CORO1B: variants seen among roughly 807,000 people sequenced by gnomAD.
CORO1B encodes the protein coronin 1B.
A neutral mutation model predicts 51.1 loss-of-function variants in CORO1B; 30 were observed. The observed-to-expected ratio is 0.59, with a 90% CI of 0.44 to 0.80. The LOEUF is 0.80. Among genes scored for constraint, CORO1B ranks in the 30% least tolerant of loss-of-function variants. CORO1B has a pLI of 0.00. For missense variants in CORO1B, 648 were observed against 700.4 expected, an observed-to-expected ratio of 0.93 and a Z score of 0.84; for synonymous variants, 310 against 289.7, an observed-to-expected ratio of 1.07 and a Z score of -0.71.
intron 1 of CORO1B, 65 bp from the exon 2 acceptor site, chr11:67,442,695 C>T: frequency 6.5e-7 from 1 of 1,541,786 alleles, no homozygotes; most frequent in Non-Finnish European, 8.9e-7. Context: ...CCCCAGGCTG[C>T]TGAAGGTGAG....
In CORO1B at chr11:67,435,882, C is replaced by T. The variant is rs774291361; in HGVS notation, c.*2494G>A. On this transcript the variant is annotated 3_prime_UTR_variant, in exon 11 of 11. Transcript: ENST00000341356. ...GGTCCTGGGGAGCCGAGGACCAGGTCGCCCTCCGTGTCACTGTCTCTGGCT... is the reference window on the plus strand; with the variant it reads ...GGTCCTGGGGAGCCGAGGACCAGGTTGCCCTCCGTGTCACTGTCTCTGGCT... The T allele has an allele frequency of 2.1e-5, 34 of 1,611,562 alleles. No individual in the cohort carries two copies. The highest frequency in any genetic ancestry group is 2.6e-5 in the Non-Finnish European group (31 of 1,179,524).
intron 4 of CORO1B, 73 bp from the exon 5 acceptor site, chr11:67,441,587 C>A (rs750849188): frequency 6.4e-7 from 1 of 1,563,520 alleles, no homozygotes; most frequent in Non-Finnish European, 8.7e-7. Flanking sequence ...CTGAGGCCCA[C>A]TCTGCCCACC....
chr11:67,441,696 T>C (rs915999451), intron 4 of CORO1B, 37 bp downstream of exon 4: 2 of 564,134 alleles, frequency 3.5e-6, no homozygotes, highest in African/African-American at 8.6e-5. Context: ...GAGGGGTCCG[T>C]GGGGGGGGGG....
chr11:67,438,970 G>C, intron 9 of CORO1B, 21 bp from the exon 10 acceptor site: 1 of 1,585,302 alleles, frequency 6.3e-7, no homozygotes. Context: ...GGCCGGGGAG[G>C]TCAGGATCAG....
At position 67,442,076 on chromosome 11, in the gene CORO1B, C is replaced by A; in HGVS notation, c.214G>T (p.Asp72Tyr). The change falls in exon 3 of 11, where the codon GAC becomes TAC. Residue 72 changes from aspartate (D) to tyrosine (Y), a missense_variant. Physicochemically the swap from Asp to Tyr is radical, Grantham distance 160. Coordinates refer to ENST00000341356, the MANE Select transcript of CORO1B (RefSeq NM_020441.3). The stretch of plus-strand genomic sequence containing the variant: ...CCACACACCGTCGGGTAGGCCTTGT[C>A]AATGCGGCCCGTCTGTGGGCACGAG... ...VLPLSKTGRI[D>Y]KAYPTVCGHT... is the part of the protein sequence containing the mutation. The A allele has an allele frequency of 6.2e-7, 1 of 1,611,606 alleles. No individual in the cohort carries two copies. The highest frequency in any genetic ancestry group is 1.1e-5 in the South Asian group (1 of 91,058).
chr11:67,442,224 G>A (rs993401757), intron 2 of CORO1B, 136 bp from the exon 3 acceptor site: 3 of 1,458,166 alleles, frequency 2.1e-6, no homozygotes, highest in Non-Finnish European at 1.9e-6. Flanking sequence ...TGCCAGGTGA[G>A]CAGGAAATGT....
Position 67,440,132 on chromosome 11 carries a change from C to G in CORO1B, c.993G>C (p.Lys331Asn). The change falls in exon 8 of 11, where the codon AAG (lysine) becomes AAC (asparagine). Residue 331 changes from lysine (K) to asparagine (N), a missense_variant. Physicochemically the swap from Lys to Asn is moderately conservative, Grantham distance 94 (BLOSUM62 0). Coordinates refer to ENST00000341356, the MANE Select transcript of CORO1B (RefSeq NM_020441.3). ...SMPKRGLEVSKCEIARFYKLH... is the reference protein window; with the variant it reads ...SMPKRGLEVSNCEIARFYKLH... ...AGCCCTCTTACCGGGCGATCTCGCA[C>G]TTGCTGACCTCCAGGCCCCGCTTGG... The G allele has an allele frequency of 2.5e-6, 4 of 1,612,210 alleles. No individual in the cohort carries two copies. The highest frequency in any genetic ancestry group is 3.4e-6 in the Non-Finnish European group (4 of 1,179,248).
At chr11:67,440,869 G>T in intron 6 of CORO1B, 1 of 655,386 alleles carries the variant, frequency 1.5e-6, no homozygotes, top group Non-Finnish European at 2.7e-6. Context: ...AGGCAAGCAA[G>T]GGAGAGAAGG....
At position 67,438,927 on chromosome 11, in the gene CORO1B, A is replaced by G; in HGVS notation, c.1088T>C (p.Leu363Pro). Residue 363 changes from leucine (L) to proline (P), a missense_variant, in exon 10 of 11, where the codon CTG becomes CCG. Physicochemically the swap from Leu to Pro is moderately conservative, Grantham distance 98. Coordinates refer to ENST00000341356, the MANE Select transcript of CORO1B (RefSeq NM_020441.3). ...CTCGGGCCCGGCTGTGTCGGGGTAC[A>G]GATCATCCTGGAAGAGGTCCGACTG... ...PRKSDLFQDD[L>P]YPDTAGPEAA... The G allele has an allele frequency of 6.2e-7, 1 of 1,607,530 alleles. No individual in the cohort carries two copies. Among genetic ancestry groups the G allele is most frequent in the Non-Finnish European group, 8.5e-7 (1 of 1,177,490 alleles).
At position 67,437,598 on chromosome 11, in the gene CORO1B, G is replaced by C. The variant is rs760363164; in HGVS notation, c.*778C>G. The C allele has an allele frequency of 1.9e-5, 26 of 1,351,094 alleles. No individual in the cohort carries two copies. The highest frequency in any genetic ancestry group is 2.8e-5 in the East Asian group (1 of 36,102). The allele number at this position is 1,351,094 out of a possible 1,614,324, so 83.7% of individuals were successfully genotyped here. A position where few individuals can be genotyped will look rare whatever the true frequency, so the allele number is the denominator to read the frequency against. On this transcript the variant is annotated 3_prime_UTR_variant, in exon 11 of 11. Transcript: ENST00000341356. ...CCTGTGGCCCCCATCCCAAGAACCC[G>C]GGGGGCTCCGAGGCTTACCATTGGT...
chr11:67,436,391 G>C lies in CORO1B; in HGVS notation c.*1985C>G. 7.0e-7 allele frequency: 1 copy of C among 1,428,398 alleles called. No homozygotes were observed. The allele number at this position is 1,428,398 out of a possible 1,614,324, so 88.5% of individuals were successfully genotyped here. On this transcript the variant is annotated 3_prime_UTR_variant, in exon 11 of 11. Coordinates refer to ENST00000341356, the MANE Select transcript of CORO1B (RefSeq NM_020441.3). The stretch of plus-strand genomic sequence containing the variant: ...AGGGGCTCAGAGGGCTCAGCACCTG[G>C]GGTGGGGCCTGGTGTGGGGCAGGCT...
At chr11:67,439,751 A>C in intron 9 of CORO1B, 35 bp downstream of exon 9, 1 of 1,563,414 alleles carries the variant, frequency 6.4e-7, no homozygotes, top group Non-Finnish European at 8.7e-7. Flanking sequence ...TTGCTGGAGA[A>C]AGGGCCAAGT....
At position 67,442,632 on chromosome 11, in the gene CORO1B, T is replaced by A; in HGVS notation, c.-2-2A>T. On this transcript the variant is annotated splice_acceptor_variant, in intron 1 of 10. Transcript: ENST00000341356. LOFTEE classifies it low-confidence loss of function (5UTR_SPLICE). Reference sequence around the variant, plus strand: ...GGACCACTTTGCGGAAGGACATGTCTGCGGGACAGAGAGGCCTGGGTCAGT... The same window carrying A: ...GGACCACTTTGCGGAAGGACATGTCAGCGGGACAGAGAGGCCTGGGTCAGT... The A allele has an allele frequency of 1.9e-6, 3 of 1,613,268 alleles. No homozygotes were observed. Among genetic ancestry groups the A allele is most frequent in the Middle Eastern group, 1.7e-4 (1 of 6,058 alleles).
In CORO1B at chr11:67,436,556, A is replaced by C; in HGVS notation, c.*1820T>G. 1 of 495,082 alleles carries C rather than the reference A, an allele frequency of 2.0e-6. No individual in the cohort carries two copies. Among genetic ancestry groups the C allele is most frequent in the Non-Finnish European group, 3.3e-6 (1 of 300,078 alleles). The allele number at this position is 495,082 out of a possible 1,614,324, so 30.7% of individuals were successfully genotyped here. A position where few individuals can be genotyped will look rare whatever the true frequency, so the allele number is the denominator to read the frequency against. ...CCATCCCTCCAGCCTCCTCCCTACC[A>C]CTCACCTCCCCCAACAGCTGCATTA... On this transcript the variant is annotated 3_prime_UTR_variant, in exon 11 of 11. Transcript: ENST00000341356.
chr11:67,436,368 G>T lies in CORO1B; in HGVS notation c.*2008C>A. ...GGCAGAGCCTGTGGGAGACAGGCAGGGGCTCAGAGGGCTCAGCACCTGGGG... is the reference window on the plus strand; with the variant it reads ...GGCAGAGCCTGTGGGAGACAGGCAGTGGCTCAGAGGGCTCAGCACCTGGGG... On this transcript the variant is annotated 3_prime_UTR_variant, in exon 11 of 11. Coordinates refer to ENST00000341356, the MANE Select transcript of CORO1B (RefSeq NM_020441.3). 2.1e-6 allele frequency: 3 copies of T among 1,437,470 alleles called. No individual in the cohort carries two copies. The highest frequency in any genetic ancestry group is 2.7e-6 in the Non-Finnish European group (3 of 1,097,956). The allele number at this position is 1,437,470 out of a possible 1,614,324, so 89.0% of individuals were successfully genotyped here.
chr11:67,441,700 G>T (rs201928806), intron 4 of CORO1B, 33 bp downstream of exon 4: 139 of 1,478,826 alleles, frequency 9.4e-5, no homozygotes, highest in South Asian at 3.9e-4. Context: ...GGTCCGTGGG[G>T]GGGGGGAGCA....
At chr11:67,442,379 T>C (rs762219948) in intron 2 of CORO1B, 49 bp downstream of exon 2, 3 of 1,580,902 alleles carry the variant, frequency 1.9e-6, no homozygotes, top group East Asian at 2.2e-5. Flanking sequence ...AAAGGCCCAG[T>C]AGGGGTGGCC....
chr11:67,439,982 C>T (rs955984109), intron 8 of CORO1B, 136 bp downstream of exon 8: 73 of 1,457,500 alleles, frequency 5.0e-5, no homozygotes, highest in Non-Finnish European at 6.4e-5. Context: ...GACCCCCACA[C>T]GGGCTGCCTC....
rs1864263121 is a variant in CORO1B, at chr11:67,435,968, T to G, written c.*2408A>C. 2 of 1,613,646 alleles carry G rather than the reference T, an allele frequency of 1.2e-6. No individual in the cohort carries two copies. The highest frequency in any genetic ancestry group is 1.7e-6 in the Non-Finnish European group (2 of 1,179,912). On this transcript the variant is annotated 3_prime_UTR_variant, in exon 11 of 11. Transcript: ENST00000341356. ...CGCCTCTCCACATTGCTGCTCGCCT[T>G]CCCCAGGGTCAGCCTGCAGGCCACC...
Sources: allele counts gnomAD v4.1 joint callset, GRCh38; gene constraint gnomAD v4.1.1; transcripts MANE v1.5; gene names NCBI Gene and HGNC (gene_info 2026-07-23, HGNC 2026-07-21).